PCDH9: variants seen among roughly 807,000 people sequenced by gnomAD.
PCDH9 encodes the protein protocadherin 9, also known as protocadherin-9.
Under a neutral mutation model 70.6 loss-of-function variants are expected in PCDH9, and 24 were observed. The ratio of observed to expected loss-of-function variants is 0.34; its 90% CI spans 0.25 to 0.48. The LOEUF is 0.48. PCDH9 is among the 20% of genes least tolerant of loss of function. The pLI is 0.99. For missense variants in PCDH9, 1,281 were observed against 1,503.6 expected, an observed-to-expected ratio of 0.85 and a Z score of 2.45; for synonymous variants, 562 against 558.5, an observed-to-expected ratio of 1.01 and a Z score of -0.09.
intron 2 of PCDH9, among the ~76,000 whole-genome samples, chr13:67,005,649 T>C (rs1478039495): frequency 6.6e-6 from 1 of 152,196 alleles, no homozygotes; most frequent in Non-Finnish European, 1.5e-5. Flanking sequence ...TAAACCATAA[T>C]AATGGCAATG....
intron 3 of PCDH9, among the ~76,000 whole-genome samples, chr13:66,650,976 C>A (rs967979210): frequency 7.2e-5 from 11 of 151,730 alleles, no homozygotes; most frequent in Non-Finnish European, 1.6e-4. Flanking sequence ...TTTTTAAGTT[C>A]TTGAAACACA....
intron 2 of PCDH9, among the ~76,000 whole-genome samples, chr13:67,093,119 T>C (rs930152519): frequency 6.6e-6 from 1 of 152,214 alleles, no homozygotes; most frequent in South Asian, 2.1e-4. Flanking sequence ...AGTTTAATTA[T>C]ATTAGTTAAT....
intron 2 of PCDH9, among the ~76,000 whole-genome samples, chr13:66,958,851 T>A (rs1273039548): frequency 6.6e-6 from 1 of 152,192 alleles, no homozygotes; most frequent in Non-Finnish European, 1.5e-5. Flanking sequence ...TCTGCAGAGA[T>A]TCGTCATGCT....
intron 2 of PCDH9, among the ~76,000 whole-genome samples, chr13:67,197,788 G>T (rs1307812446): frequency 6.6e-6 from 1 of 151,744 alleles, no homozygotes; most frequent in Non-Finnish European, 1.5e-5. Flanking sequence ...ATTAAAATAA[G>T]TAATTGCCAA....
chr13:66,509,806 T>G (rs1382884822), intron 4 of PCDH9, among the ~76,000 whole-genome samples: 7 of 152,122 alleles, frequency 4.6e-5, no homozygotes, highest in Non-Finnish European at 1.0e-4. Flanking sequence ...TCTAGTGAAA[T>G]TTTTGCTTTG....
intron 2 of PCDH9, among the ~76,000 whole-genome samples, chr13:66,966,398 A>G (rs776096975): frequency 5.3e-5 from 8 of 152,124 alleles, no homozygotes; most frequent in Non-Finnish European, 7.4e-5. Flanking sequence ...AAACTTTAAA[A>G]CAGCTAAATG....
At chr13:66,822,153 C>CACACAT (rs1010556581) in intron 3 of PCDH9, among the ~76,000 whole-genome samples, 2 of 151,570 alleles carry the variant, frequency 1.3e-5, no homozygotes, top group Non-Finnish European at 2.9e-5. Context: ...CACACACACA[C>CACACAT]ACACACTCAT....
intron 2 of PCDH9, among the ~76,000 whole-genome samples, chr13:67,029,351 G>T (rs1160926015): frequency 6.6e-6 from 1 of 152,108 alleles, no homozygotes; most frequent in African/African-American, 2.4e-5. Flanking sequence ...CGCAGTCTTT[G>T]CAAGTTCTCA....
chr13:66,871,067 G>A (rs2081670274), intron 3 of PCDH9, among the ~76,000 whole-genome samples: 1 of 151,984 alleles, frequency 6.6e-6, no homozygotes, highest in Non-Finnish European at 1.5e-5. Flanking sequence ...CATAAAAAAT[G>A]ATGAGTTCAT....
intron 2 of PCDH9, among the ~76,000 whole-genome samples, chr13:67,137,772 C>T (rs2087270377): frequency 6.6e-6 from 1 of 151,998 alleles, no homozygotes; most frequent in Non-Finnish European, 1.5e-5. Flanking sequence ...AAAAAAGTTG[C>T]TTGGCCTAAA....
chr13:66,662,980 G>C (rs1269922296), intron 3 of PCDH9, among the ~76,000 whole-genome samples: 13 of 152,076 alleles, frequency 8.5e-5, no homozygotes, highest in Admixed American at 8.5e-4. Context: ...AAATAACAGT[G>C]TATATATGAT....
At chr13:66,884,312 A>C (rs2081971602) in intron 3 of PCDH9, among the ~76,000 whole-genome samples, 1 of 152,108 alleles carries the variant, frequency 6.6e-6, no homozygotes, top group Non-Finnish European at 1.5e-5. Context: ...ATCAGAATCC[A>C]ATTGTTTCTG....
intron 4 of PCDH9, among the ~76,000 whole-genome samples, chr13:66,377,661 C>T (rs1593881384): frequency 6.6e-6 from 1 of 152,122 alleles, no homozygotes; most frequent in Non-Finnish European, 1.5e-5. Flanking sequence ...AAATATTTTT[C>T]TTCTGAAGAA....
intron 2 of PCDH9, among the ~76,000 whole-genome samples, chr13:67,003,112 G>A (rs1048139519): frequency 2.0e-5 from 3 of 151,862 alleles, no homozygotes; most frequent in African/African-American, 4.8e-5. Flanking sequence ...CAATCAAACT[G>A]GTTGACCTGG....
At chr13:66,870,342 G>T (rs1321916443) in intron 3 of PCDH9, among the ~76,000 whole-genome samples, 2 of 152,068 alleles carry the variant, frequency 1.3e-5, no homozygotes, top group African/African-American at 2.4e-5. Flanking sequence ...AGTATAGTTT[G>T]AAGTCAGGTA....
chr13:66,776,013 G>C (rs979621480), intron 3 of PCDH9, among the ~76,000 whole-genome samples: 1 of 152,064 alleles, frequency 6.6e-6, no homozygotes, highest in Admixed American at 6.5e-5. Flanking sequence ...TTTTGTCTCA[G>C]GTCATTTGAC....
intron 3 of PCDH9, among the ~76,000 whole-genome samples, chr13:66,777,698 T>G (rs1298655583): frequency 2.6e-5 from 4 of 152,170 alleles, no homozygotes; most frequent in Non-Finnish European, 5.9e-5. Context: ...GTAAACTAGT[T>G]TCATCCCTTG....
At chr13:66,741,339 T>C (rs1425642895) in intron 3 of PCDH9, among the ~76,000 whole-genome samples, 1 of 13,570 alleles carries the variant, frequency 7.4e-5, no homozygotes, top group Non-Finnish European at 6.4e-3. Flanking sequence ...ATGGGACATA[T>C]CTCAAAATAA....
At chr13:66,894,326 A>G (rs2082142215) in intron 3 of PCDH9, among the ~76,000 whole-genome samples, 1 of 152,160 alleles carries the variant, frequency 6.6e-6, no homozygotes, top group Non-Finnish European at 1.5e-5. Flanking sequence ...TTCCTTAACA[A>G]TTAGAGTGAT....
Sources: allele counts gnomAD v4.1 joint callset (sites outside exome capture counted in the v4.1 genomes callset), GRCh38; gene constraint gnomAD v4.1.1; transcripts MANE v1.5; gene names NCBI Gene and HGNC (gene_info 2026-07-23, HGNC 2026-07-21).